SLC16A7: variants seen among roughly 807,000 people sequenced by gnomAD.
The protein encoded by SLC16A7 is monocarboxylate transporter 2.
A neutral mutation model predicts 34.9 loss-of-function variants in SLC16A7; 33 were observed. The observed-to-expected ratio is 0.94, with a 90% CI of 0.72 to 1.26. The LOEUF is 1.26. SLC16A7 is among the 50% of genes most tolerant of loss of function. The probability of loss-of-function intolerance (pLI) is 0.00; values close to 1 mark genes in which losing one functional copy is unlikely to be tolerated. For synonymous variants in SLC16A7, 201 were observed against 206.6 expected, an observed-to-expected ratio of 0.97 and a Z score of 0.23; for missense variants, 573 against 578.1, an observed-to-expected ratio of 0.99 and a Z score of 0.09.
chr12:59,759,193 A>T (rs1433285627), intron 3 of SLC16A7, among the ~76,000 whole-genome samples: 1 of 152,018 alleles, frequency 6.6e-6, no homozygotes, highest in African/African-American at 2.4e-5. Flanking sequence ...TATTTAGGGT[A>T]GAGTGTGAAG....
chr12:59,650,148 G>A (rs753173795), intron 1 of SLC16A7, among the ~76,000 whole-genome samples: 7 of 151,784 alleles, frequency 4.6e-5, no homozygotes, highest in African/African-American at 1.7e-4. Context: ...AATTTTAAAA[G>A]GGTATAGTCT....
intron 1 of SLC16A7, among the ~76,000 whole-genome samples, chr12:59,651,134 C>T (rs559445829): frequency 6.6e-6 from 1 of 152,208 alleles, no homozygotes; most frequent in East Asian, 1.9e-4. Flanking sequence ...TGCTCCTCTT[C>T]GTGGTTAATT....
intron 3 of SLC16A7, among the ~76,000 whole-genome samples, chr12:59,760,828 A>T (rs2137387428): frequency 6.6e-6 from 1 of 152,236 alleles, no homozygotes; most frequent in Admixed American, 6.6e-5. Context: ...GGAATTTTCC[A>T]TTTAATATTT....
At chr12:59,598,702 G>A (rs1402562000) in intron 1 of SLC16A7, among the ~76,000 whole-genome samples, 1 of 152,106 alleles carries the variant, frequency 6.6e-6, no homozygotes, top group Non-Finnish European at 1.5e-5. Context: ...ATGTTATGAG[G>A]GCAGGATGAT....
chr12:59,653,871 AT>A (rs943085544), intron 1 of SLC16A7, among the ~76,000 whole-genome samples: 12 of 151,510 alleles, frequency 7.9e-5, no homozygotes, highest in Non-Finnish European at 1.5e-4. Flanking sequence ...TACTCATGTG[AT>A]TTTTTTATAT....
intron 3 of SLC16A7, among the ~76,000 whole-genome samples, chr12:59,739,019 CATTT>C (rs71850686): frequency 0.27 from 38,989 of 146,202 alleles, 5,257 homozygotes; most frequent in East Asian, 0.3. Flanking sequence ...ATTTTTTTTT[CATTT>C]ATTTATTTAT....
chr12:59,744,335 G>T (rs1040781323), intron 3 of SLC16A7, among the ~76,000 whole-genome samples: 1 of 152,124 alleles, frequency 6.6e-6, no homozygotes, highest in East Asian at 1.9e-4. Flanking sequence ...AGAGATTATG[G>T]TTGGACGTCA....
At chr12:59,642,533 T>G (rs1252217656) in intron 1 of SLC16A7, among the ~76,000 whole-genome samples, 3 of 152,100 alleles carry the variant, frequency 2.0e-5, no homozygotes, top group South Asian at 4.1e-4. Flanking sequence ...TTATAGATGG[T>G]GCACAGTAAA....
intron 1 of SLC16A7, among the ~76,000 whole-genome samples, chr12:59,618,393 G>C (rs1879551097): frequency 6.6e-6 from 1 of 151,820 alleles, no homozygotes; most frequent in African/African-American, 2.4e-5. Context: ...TAGCATGAGA[G>C]ACCTGTGAAA....
At chr12:59,760,256 G>A (rs1343689) in intron 3 of SLC16A7, among the ~76,000 whole-genome samples, 18,927 of 151,940 alleles carry the variant, frequency 0.12, 1,566 homozygotes, top group African/African-American at 0.23. Flanking sequence ...GTTTGAGAAA[G>A]AAAAATATGA....
intron 3 of SLC16A7, 143 bp from the exon 4 acceptor site, chr12:59,771,076 T>G: frequency 1.4e-6 from 1 of 701,070 alleles, no homozygotes; most frequent in African/African-American, 1.8e-5. Flanking sequence ...ATTGAAAAGT[T>G]CTCATTATGT....
intron 3 of SLC16A7, among the ~76,000 whole-genome samples, chr12:59,715,923 TTTACA>T (rs1024312314): frequency 6.6e-6 from 1 of 152,184 alleles, no homozygotes; most frequent in African/African-American, 2.4e-5. Context: ...ACAAAGCTAA[TTTACA>T]TTAGCGTTTT....
intron 1 of SLC16A7, among the ~76,000 whole-genome samples, chr12:59,651,425 A>T (rs140114575): frequency 1.3e-5 from 2 of 152,258 alleles, no homozygotes; most frequent in Middle Eastern, 6.8e-3. Flanking sequence ...AAGTTATGCT[A>T]CTTATTAAGG....
intron 3 of SLC16A7, among the ~76,000 whole-genome samples, chr12:59,767,777 A>G (rs979822857): frequency 6.6e-6 from 1 of 152,086 alleles, no homozygotes; most frequent in African/African-American, 2.4e-5. Context: ...CTAATACAAC[A>G]TTCATTCTGC....
intron 2 of SLC16A7, among the ~76,000 whole-genome samples, chr12:59,697,273 AG>A (rs1872407855): frequency 6.6e-6 from 1 of 152,020 alleles, no homozygotes; most frequent in Admixed American, 6.6e-5. Context: ...GCTGATGTGC[AG>A]GTCACTTATT....
chr12:59,748,780 C>G (rs560738975), intron 3 of SLC16A7, among the ~76,000 whole-genome samples: 2 of 152,212 alleles, frequency 1.3e-5, no homozygotes, highest in African/African-American at 2.4e-5. Flanking sequence ...GAAAATGCAG[C>G]TTTTATGTAG....
intron 3 of SLC16A7, among the ~76,000 whole-genome samples, chr12:59,711,777 T>C (rs1427974033): frequency 1.3e-5 from 2 of 152,188 alleles, no homozygotes; most frequent in African/African-American, 4.8e-5. Context: ...GGGCTGGACT[T>C]ACAGATGTGA....
At chr12:59,600,052 C>A (rs1034080993) in intron 1 of SLC16A7, among the ~76,000 whole-genome samples, 1 of 152,096 alleles carries the variant, frequency 6.6e-6, no homozygotes, top group African/African-American at 2.4e-5. Context: ...AGACAAGTTG[C>A]TAGACCTCTT....
rs1314861072 is a variant in SLC16A7, at chr12:59,783,316, T to A, written c.*3637T>A. 6.6e-6 allele frequency: 1 copy of A among 152,142 alleles called. No homozygotes were observed. 9.4% of individuals were successfully genotyped at this position (152,142 alleles called of 1,614,324 possible). ...TTTGCTTATGTAATGCCTTTCAATATGAAAACCAAAACCATGGCAGAATTA... is the reference window on the plus strand; with the variant it reads ...TTTGCTTATGTAATGCCTTTCAATAAGAAAACCAAAACCATGGCAGAATTA... On this transcript the variant is annotated 3_prime_UTR_variant, in exon 6 of 6. Transcript: ENST00000547379.
Sources: allele counts gnomAD v4.1 joint callset (sites outside exome capture counted in the v4.1 genomes callset), GRCh38; gene constraint gnomAD v4.1.1; transcripts MANE v1.5; gene names NCBI Gene and HGNC (gene_info 2026-07-23, HGNC 2026-07-21).